The following ANK2 variants were observed in gnomAD, a reference collection of about 807,000 sequenced individuals.
The protein encoded by ANK2 is ankyrin 2.
In ANK2, 83 loss-of-function variants were observed where a neutral mutation model predicts 360.5. The ratio of observed to expected loss-of-function variants is 0.23; its 90% CI spans 0.19 to 0.28. ANK2 has a LOEUF of 0.28. ANK2 is among the 10% of genes least tolerant of loss of function. ANK2 has a pLI of 1.00. For synonymous variants in ANK2, 1,740 were observed against 1,759.5 expected (o/e 0.99, Z 0.28); for missense variants, 4,201 against 4,795.7 (o/e 0.88, Z 3.66).
At chr4:113,251,934 G>C (rs2153611269) in intron 10 of ANK2, among the ~76,000 whole-genome samples, 1 of 152,246 alleles carries the variant, frequency 6.6e-6, no homozygotes, top group South Asian at 2.1e-4. Context: ...GCTCTCCTGG[G>C]AGTGGAATAG....
intron 1 of ANK2, among the ~76,000 whole-genome samples, chr4:112,869,150 T>G (rs1456338038): frequency 6.6e-6 from 1 of 152,168 alleles, no homozygotes; most frequent in Non-Finnish European, 1.5e-5. Flanking sequence ...ATTATTTTTG[T>G]AGAGACAAGG....
chr4:112,988,758 T>C (rs973563723), intron 2 of ANK2, among the ~76,000 whole-genome samples: 6 of 152,238 alleles, frequency 3.9e-5, no homozygotes, highest in Non-Finnish European at 8.8e-5. Context: ...CTTTAGGTAA[T>C]TGGAAAAGGT....
intron 1 of ANK2, among the ~76,000 whole-genome samples, chr4:113,170,057 T>G (rs1303901482): frequency 6.6e-6 from 1 of 152,198 alleles, no homozygotes; most frequent in East Asian, 1.9e-4. Context: ...AACTTTAAGG[T>G]GTTGTTTCCT....
In ANK2 at chr4:113,274,614, T is replaced by C. The variant is rs2059587477; in HGVS notation, c.1648T>C (p.Leu550=). 1.2e-6 allele frequency: 2 copies of C among 1,614,162 alleles called. No homozygotes were observed. Among genetic ancestry groups the C allele is most frequent in the Non-Finnish European group, 8.5e-7 (1 of 1,180,040 alleles). The change falls in exon 15 of 46, where the codon TTG becomes CTG. Residue 550 remains leucine, a synonymous_variant. Coordinates refer to ENST00000357077, the MANE Select transcript of ANK2 (RefSeq NM_001148.6). Reference sequence around the variant, plus strand: ...CCAGGTGGATGTGGCATCAGTCCTATTGGAAGCAGGAGCAGCCCACTCCTT... The same window carrying C: ...CCAGGTGGATGTGGCATCAGTCCTACTGGAAGCAGGAGCAGCCCACTCCTT... The part of the protein sequence containing the change: ...EGQVDVASVL[L]EAGAAHSLAT...
chr4:113,006,108 G>A (rs1578853187), intron 2 of ANK2, among the ~76,000 whole-genome samples: 1 of 152,100 alleles, frequency 6.6e-6, no homozygotes, highest in East Asian at 1.9e-4. Context: ...CTAACACATA[G>A]GGAGACTATT....
At chr4:112,910,848 C>T (rs2086918247) in intron 2 of ANK2, among the ~76,000 whole-genome samples, 1 of 151,526 alleles carries the variant, frequency 6.6e-6, no homozygotes, top group Non-Finnish European at 1.5e-5. Context: ...ATTTAGCCTT[C>T]TTTTAAAAAG....
Position 113,332,076 on chromosome 4 carries a change from A to G in ANK2, c.3224+6A>G, listed in dbSNP as rs751666292. The stretch of plus-strand genomic sequence containing the variant: ...CCTGGAACCAAATTCCTTGGGTAGG[A>G]GTGACTTAAAACAAATTGATGGCTG... On this transcript the variant is annotated splice_donor_region_variant and intron_variant, in intron 28 of 45. Coordinates refer to ENST00000357077, the MANE Select transcript of ANK2 (RefSeq NM_001148.6). 8.4e-5 allele frequency: 135 copies of G among 1,610,376 alleles called. No individual in the cohort carries two copies. The highest frequency in any genetic ancestry group is 1.1e-4 in the Non-Finnish European group (130 of 1,176,784).
chr4:112,908,790 A>T (rs1042771944), intron 2 of ANK2, among the ~76,000 whole-genome samples: 9 of 151,906 alleles, frequency 5.9e-5, no homozygotes, highest in Non-Finnish European at 1.3e-4. Flanking sequence ...CTTTCATTCC[A>T]AAACTCATTT....
intron 1 of ANK2, among the ~76,000 whole-genome samples, chr4:113,102,827 A>G (rs1472091422): frequency 6.6e-6 from 1 of 152,016 alleles, no homozygotes; most frequent in Non-Finnish European, 1.5e-5. Context: ...CCTCCTCTTT[A>G]TTGTTCTCAC....
At chr4:113,029,509 G>A (rs377672638) in intron 2 of ANK2, among the ~76,000 whole-genome samples, 4 of 152,082 alleles carry the variant, frequency 2.6e-5, no homozygotes, top group East Asian at 1.9e-4. Context: ...GGGATTACAG[G>A]CGTGAGCCAC....
At chr4:112,732,650 T>C in the ANK2 span, among the ~76,000 whole-genome samples, 2 of 152,252 alleles carry the variant, frequency 1.3e-5, no homozygotes, top group Non-Finnish European at 2.9e-5. Context: ...TACAGTGTTT[T>C]CTACAAAACA....
chr4:112,930,855 T>C (rs1299171261), intron 2 of ANK2, among the ~76,000 whole-genome samples: 1 of 146,744 alleles, frequency 6.8e-6, no homozygotes, highest in Non-Finnish European at 1.5e-5. Context: ...GCCATTGCAC[T>C]CCAGCCTGGG....
At chr4:112,989,894 A>G (rs1242425835) in intron 2 of ANK2, among the ~76,000 whole-genome samples, 2 of 152,220 alleles carry the variant, frequency 1.3e-5, no homozygotes, top group Admixed American at 6.5e-5. Context: ...AATTAAGAAA[A>G]CTAACACTTA....
the ANK2 span, among the ~76,000 whole-genome samples, chr4:112,717,278 G>T: frequency 6.6e-6 from 1 of 152,010 alleles, no homozygotes; most frequent in Non-Finnish European, 1.5e-5. Context: ...TATATATTGG[G>T]CTTGTGTGAC....
chr4:112,776,216 A>G, the ANK2 span, among the ~76,000 whole-genome samples: 4 of 152,218 alleles, frequency 2.6e-5, no homozygotes, highest in East Asian at 7.7e-4. Context: ...GTAACAAAAG[A>G]TTAGCAAGAG....
At chr4:113,069,213 G>A (rs963924483) in intron 1 of ANK2, among the ~76,000 whole-genome samples, 6 of 152,154 alleles carry the variant, frequency 3.9e-5, no homozygotes, top group African/African-American at 1.2e-4. Context: ...AGTGAGGAGA[G>A]GAGAACGCAC....
At chr4:113,075,969 A>C (rs1283529688) in intron 1 of ANK2, among the ~76,000 whole-genome samples, 1 of 152,194 alleles carries the variant, frequency 6.6e-6, no homozygotes, top group East Asian at 1.9e-4. Context: ...TCCAGATCCC[A>C]CTGAGAATCT....
At chr4:113,082,389 T>C (rs1487738315) in intron 1 of ANK2, among the ~76,000 whole-genome samples, 1 of 152,136 alleles carries the variant, frequency 6.6e-6, no homozygotes, top group African/African-American at 2.4e-5. Flanking sequence ...TCTTCCTGCC[T>C]CTTCTTCCCT....
intron 2 of ANK2, among the ~76,000 whole-genome samples, chr4:112,974,843 AAAAG>A (rs1379605458): frequency 6.6e-6 from 1 of 151,798 alleles, no homozygotes; most frequent in Non-Finnish European, 1.5e-5. Flanking sequence ...AAAGTATAGA[AAAAG>A]AAAAAAAAAA....
Sources: allele counts gnomAD v4.1 joint callset (sites outside exome capture counted in the v4.1 genomes callset), GRCh38; gene constraint gnomAD v4.1.1; transcripts MANE v1.5; gene names NCBI Gene and HGNC (gene_info 2026-07-23, HGNC 2026-07-21).